Variants in NEBL observed in about 807,000 individuals in gnomAD.
NEBL encodes nebulette.
In NEBL, 122 loss-of-function variants were observed where a neutral mutation model predicts 140.2. The observed-to-expected ratio is 0.87, with a 90% CI of 0.75 to 1.01. The LOEUF is 1.01. Among genes scored for constraint, NEBL ranks in the 50% least tolerant of loss-of-function variants. NEBL has a pLI of 0.00. For synonymous variants in NEBL, 436 were observed against 398.9 expected, an observed-to-expected ratio of 1.09 and a Z score of -1.11; for missense variants, 1,365 against 1,231.3, an observed-to-expected ratio of 1.11 and a Z score of -1.62.
chr10:21,003,796 T>G (rs1589127581), intron 3 of NEBL, among the ~76,000 whole-genome samples: 1 of 152,358 alleles, frequency 6.6e-6, no homozygotes, highest in Admixed American at 6.5e-5. Context: ...AACTAGCCTT[T>G]GCTTAAACTA....
intron 3 of NEBL, among the ~76,000 whole-genome samples, chr10:21,211,692 G>A (rs1841917948): frequency 6.6e-6 from 1 of 152,182 alleles, no homozygotes; most frequent in African/African-American, 2.4e-5. Flanking sequence ...ACCCGTCTGA[G>A]TCCTTTTGTA....
intron 12 of NEBL, 96 bp from the exon 13 acceptor site, chr10:20,840,945 A>G: frequency 1.3e-6 from 1 of 759,962 alleles, no homozygotes; most frequent in East Asian, 2.7e-5. Context: ...GAAATGAGAA[A>G]ATATTACTAG....
chr10:21,149,837 T>G (rs937706264), intron 2 of NEBL, among the ~76,000 whole-genome samples: 1 of 152,154 alleles, frequency 6.6e-6, no homozygotes. Context: ...TAGATAGGGT[T>G]GGAATTGAAT....
chr10:21,224,426 G>A (rs1342879476), intron 3 of NEBL, among the ~76,000 whole-genome samples: 1 of 152,098 alleles, frequency 6.6e-6, no homozygotes, highest in African/African-American at 2.4e-5. Flanking sequence ...GCACCATAGT[G>A]TAATTTGAAG....
chr10:21,156,665 AC>A (rs1254657398), intron 2 of NEBL, among the ~76,000 whole-genome samples: 1 of 151,922 alleles, frequency 6.6e-6, no homozygotes, highest in African/African-American at 2.4e-5. Context: ...TATTTCACTC[AC>A]TCTTGAAATA....
chr10:21,249,417 C>G (rs554735322), intron 2 of NEBL, among the ~76,000 whole-genome samples: 1 of 151,794 alleles, frequency 6.6e-6, no homozygotes, highest in Admixed American at 6.6e-5. Context: ...CTTTTGTTGC[C>G]CATGCTGTGA....
chr10:20,929,223 C>T (rs1834059348), intron 4 of NEBL, among the ~76,000 whole-genome samples: 1 of 151,678 alleles, frequency 6.6e-6, no homozygotes, highest in African/African-American at 2.4e-5. Context: ...AAGTGTCCAT[C>T]AACAGATGAC....
chr10:21,206,868 A>G (rs1173935142), intron 3 of NEBL, among the ~76,000 whole-genome samples: 1 of 152,166 alleles, frequency 6.6e-6, no homozygotes, highest in East Asian at 1.9e-4. Context: ...TCAGGACCAG[A>G]AAAAAACATA....
At chr10:21,130,325 A>G (rs1408545471) in intron 2 of NEBL, among the ~76,000 whole-genome samples, 1 of 152,102 alleles carries the variant, frequency 6.6e-6, no homozygotes, top group African/African-American at 2.4e-5. Context: ...ACACCCCTCT[A>G]TCAGTACCAG....
intron 3 of NEBL, among the ~76,000 whole-genome samples, chr10:20,985,042 A>G (rs575486538): frequency 2.0e-5 from 3 of 152,350 alleles, no homozygotes; most frequent in Admixed American, 6.5e-5. Context: ...GTTGCAGGAA[A>G]ATAAGCTCGG....
chr10:21,014,123 T>C lies in NEBL; in HGVS notation c.249+5994A>G, dbSNP rs183324965. Among the ~76,000 whole-genome samples, 28 of 152,120 alleles carry C rather than the reference T, an allele frequency of 1.8e-4. No homozygotes were observed. The East Asian group carries it at 3.5e-3, about 19-fold the overall frequency. On this transcript the variant is annotated intron_variant, in intron 3 of 6. Transcript: ENST00000417816. Reference sequence around the variant, plus strand: ...AGTTGTAATTTTTCCTATTTTTTATTATTATTAATATTATTTTAGATTTAG... The same window carrying C: ...AGTTGTAATTTTTCCTATTTTTTATCATTATTAATATTATTTTAGATTTAG...
chr10:20,907,240 G>A (rs1278770670), intron 4 of NEBL, among the ~76,000 whole-genome samples: 1 of 152,060 alleles, frequency 6.6e-6, no homozygotes, highest in Non-Finnish European at 1.5e-5. Flanking sequence ...TTCCAGACCT[G>A]TCTAAATAAG....
intron 1 of NEBL, among the ~76,000 whole-genome samples, chr10:21,282,408 G>A (rs188970767): frequency 1.3e-5 from 2 of 152,248 alleles, no homozygotes; most frequent in Non-Finnish European, 2.9e-5. Flanking sequence ...GCAAAAGGGA[G>A]GGACGGCTAC....
chr10:21,151,917 G>GT (rs1286362298), intron 2 of NEBL, among the ~76,000 whole-genome samples: 1 of 152,126 alleles, frequency 6.6e-6, no homozygotes, highest in African/African-American at 2.4e-5. Flanking sequence ...TTGGTTTTGG[G>GT]TTTTGTCTGC....
intron 2 of NEBL, among the ~76,000 whole-genome samples, chr10:21,250,133 T>C (rs979544826): frequency 3.2e-4 from 48 of 152,288 alleles, no homozygotes; most frequent in African/African-American, 1.1e-3. Context: ...CTTGATTGGA[T>C]TGAAGGATAC....
intron 2 of NEBL, among the ~76,000 whole-genome samples, chr10:21,089,524 G>C (rs1836809278): frequency 6.6e-6 from 1 of 152,098 alleles, no homozygotes; most frequent in East Asian, 1.9e-4. Flanking sequence ...AGTGTGGCAA[G>C]AGGGAAGCTG....
chr10:21,097,798 G>T (rs747767248), intron 2 of NEBL, among the ~76,000 whole-genome samples: 1 of 152,152 alleles, frequency 6.6e-6, no homozygotes, highest in African/African-American at 2.4e-5. Flanking sequence ...CCTGAAACAC[G>T]ACAGGAACCG....
At chr10:20,869,092 T>C (rs1276352940) in intron 6 of NEBL, among the ~76,000 whole-genome samples, 1 of 152,094 alleles carries the variant, frequency 6.6e-6, no homozygotes, top group Non-Finnish European at 1.5e-5. Flanking sequence ...TCCATATAGG[T>C]AGCTTTTATA....
intron 4 of NEBL, among the ~76,000 whole-genome samples, chr10:20,907,720 T>C (rs1268711867): frequency 6.6e-6 from 1 of 152,118 alleles, no homozygotes; most frequent in African/African-American, 2.4e-5. Context: ...TAAAAGAAAT[T>C]TAAAAATTTT....
Sources: gnomAD v4.1 joint callset for allele counts (sites outside exome capture counted in the v4.1 genomes callset) on GRCh38, gnomAD v4.1.1 for gene constraint, MANE v1.5 for transcripts, NCBI Gene and HGNC (gene_info 2026-07-23, HGNC 2026-07-21) for gene names.